The following SEC63 variants were observed in gnomAD, a reference collection of about 807,000 sequenced individuals.
SEC63 encodes SEC63 protein translocation regulator.
In SEC63, 56 loss-of-function variants were observed where a neutral mutation model predicts 116.2. That is an observed-to-expected ratio of 0.48 (90% CI 0.39 to 0.60). The LOEUF (loss-of-function observed/expected upper bound fraction) is 0.60, where lower values mean the gene tolerates loss of function less well. Among genes scored for constraint, SEC63 ranks in the 20% least tolerant of loss-of-function variants. The probability of loss-of-function intolerance (pLI) is 0.00; values close to 1 mark genes in which losing one functional copy is unlikely to be tolerated. For synonymous variants in SEC63, 273 were observed against 294.6 expected (o/e 0.93, Z 0.75); for missense variants, 668 against 900.0 (o/e 0.74, Z 3.30).
At chr6:107,915,690 A>G (rs1787385521) in intron 4 of SEC63, among the ~76,000 whole-genome samples, 1 of 152,170 alleles carries the variant, frequency 6.6e-6, no homozygotes, top group Non-Finnish European at 1.5e-5. Context: ...CTAAGGAGAG[A>G]AAAATGATCT....
At chr6:107,935,816 T>C (rs1770234874) in intron 1 of SEC63, among the ~76,000 whole-genome samples, 2 of 149,674 alleles carry the variant, frequency 1.3e-5, no homozygotes, top group Admixed American at 6.7e-5. Context: ...TAAAATAAAA[T>C]AAAGAAACAC....
chr6:107,887,604 G>A (rs1257335390), intron 16 of SEC63, among the ~76,000 whole-genome samples: 1 of 151,622 alleles, frequency 6.6e-6, no homozygotes, highest in African/African-American at 2.4e-5. Context: ...GTTGTGGGGT[G>A]GGGGAAGGGG....
At chr6:107,880,982 G>A in intron 18 of SEC63, 167 bp downstream of exon 18, 4 of 611,904 alleles carry the variant, frequency 6.5e-6, no homozygotes, top group Non-Finnish European at 1.2e-5. Context: ...CGTTCACTAA[G>A]TATAATACCT....
intron 5 of SEC63, 108 bp from the exon 6 acceptor site, chr6:107,912,882 C>A (rs1787313792): frequency 2.4e-6 from 2 of 821,286 alleles, no homozygotes; most frequent in Non-Finnish European, 4.1e-6. Context: ...TCCCCCACAA[C>A]ACAAAAACAA....
At chr6:107,882,197 T>C (rs539978871) in intron 17 of SEC63, among the ~76,000 whole-genome samples, 80 of 152,320 alleles carry the variant, frequency 5.3e-4, no homozygotes, top group Middle Eastern at 6.8e-3. Context: ...CCTTTACCTC[T>C]TCCTCTTTTT....
At chr6:107,910,591 G>A (rs1787256557) in intron 7 of SEC63, among the ~76,000 whole-genome samples, 1 of 151,750 alleles carries the variant, frequency 6.6e-6, no homozygotes, top group African/African-American at 2.4e-5. Context: ...ACACATGTAT[G>A]TCATACACAC....
intron 10 of SEC63, 45 bp downstream of exon 10, chr6:107,906,403 G>C (rs1383188412): frequency 1.2e-6 from 2 of 1,603,236 alleles, no homozygotes; most frequent in East Asian, 2.2e-5. Context: ...TAATTCTGCT[G>C]CTTTCATCCC....
chr6:107,953,798 G>A (rs1279662347), intron 1 of SEC63, among the ~76,000 whole-genome samples: 4 of 117,406 alleles, frequency 3.4e-5, no homozygotes, highest in East Asian at 6.7e-4. Flanking sequence ...GGAGGTGGGG[G>A]TGTGAGCCCC....
chr6:107,882,751 A>G (rs917896004), intron 17 of SEC63, among the ~76,000 whole-genome samples: 53 of 152,140 alleles, frequency 3.5e-4, no homozygotes, highest in Non-Finnish European at 4.7e-4. Context: ...TCTACCTAAC[A>G]ATTTAATATT....
chr6:107,918,416 T>C (rs1787465104), intron 4 of SEC63, among the ~76,000 whole-genome samples: 1 of 152,210 alleles, frequency 6.6e-6, no homozygotes, highest in Non-Finnish European at 1.5e-5. Context: ...TTAAGTCTTA[T>C]TATTTAAGAA....
Position 107,956,933 on chromosome 6 carries a change from G to A in SEC63, c.124+953C>T, listed in dbSNP as rs187946680. Among the ~76,000 whole-genome samples, 460 of 152,268 alleles carry A rather than the reference G, an allele frequency of 3.0e-3. 3 individuals carry two copies. Among genetic ancestry groups the A allele is most frequent in the African/African-American group, 0.011 (438 of 41,538 alleles). Reference sequence around the variant, plus strand: ...TTGTGCAATAGAAAGCTTTCCCTAAGTTGTTAATACTCAAAACCCACTCCT... The same window carrying A: ...TTGTGCAATAGAAAGCTTTCCCTAAATTGTTAATACTCAAAACCCACTCCT... On this transcript the variant is annotated intron_variant, in intron 1 of 20. Transcript: ENST00000369002.
Position 107,881,943 on chromosome 6 carries a change from T to G in SEC63, c.1834-693A>C, listed in dbSNP as rs150126339. On this transcript the variant is annotated intron_variant, in intron 17 of 20. Coordinates refer to ENST00000369002, the MANE Select transcript of SEC63 (RefSeq NM_007214.5). The stretch of plus-strand genomic sequence containing the variant: ...TGTATTTTTGGTCATATGAAGAAAT[T>G]AGTCTGTCAAAACCCTAAGAGTCAC... 4.1e-3 allele frequency among the ~76,000 whole-genome samples: 626 copies of G among 152,290 alleles called. 3 individuals carry two copies. Among genetic ancestry groups the G allele is most frequent in the African/African-American group, 0.014 (587 of 41,568 alleles).
At chr6:107,916,079 A>G (rs950002132) in intron 4 of SEC63, among the ~76,000 whole-genome samples, 9 of 152,044 alleles carry the variant, frequency 5.9e-5, no homozygotes, top group African/African-American at 2.2e-4. Flanking sequence ...GAACAAAATT[A>G]TAAACTTGAA....
chr6:107,897,496 A>G (rs767477506), intron 14 of SEC63, among the ~76,000 whole-genome samples, 153 bp downstream of exon 14: 1 of 152,264 alleles, frequency 6.6e-6, no homozygotes, highest in East Asian at 1.9e-4. Context: ...AAACTGTCTC[A>G]TGAAAATTAA....
In SEC63 at chr6:107,868,103, G is replaced by C. The variant is rs1340355674; in HGVS notation, c.*3601C>G. The C allele has an allele frequency of 1.6e-5, 2 of 121,876 alleles. No homozygotes were observed. The highest frequency in any genetic ancestry group is 3.2e-5 in the African/African-American group (1 of 30,906). The allele number at this position is 121,876 out of a possible 1,614,324, so 7.5% of individuals were successfully genotyped here. On this transcript the variant is annotated 3_prime_UTR_variant, in exon 21 of 21. Coordinates refer to ENST00000369002, the MANE Select transcript of SEC63 (RefSeq NM_007214.5). ...GTGCTAACTTCTTGAGACATATTTG[G>C]ACTAATCACTACACAGCTGGCAAAA... is the stretch of plus-strand genomic sequence containing the variant.
chr6:107,931,919 TG>T (rs1439492432), intron 1 of SEC63: 5 of 152,654 alleles, frequency 3.3e-5, no homozygotes, highest in Admixed American at 6.6e-5. Flanking sequence ...AAATAAGACT[TG>T]CCACCCACCT....
chr6:107,873,747 G>T (rs1242460673), intron 19 of SEC63, among the ~76,000 whole-genome samples: 1 of 151,834 alleles, frequency 6.6e-6, no homozygotes, highest in Non-Finnish European at 1.5e-5. Flanking sequence ...AAACTGGGGA[G>T]AAATACTTGC....
intron 3 of SEC63, among the ~76,000 whole-genome samples, chr6:107,924,457 CT>C (rs1352634537): frequency 6.8e-6 from 1 of 148,046 alleles, no homozygotes; most frequent in Non-Finnish European, 1.5e-5. Flanking sequence ...GGGCGCCTAC[CT>C]GGGAGGCTGA....
At chr6:107,939,871 T>G (rs1246227336) in intron 1 of SEC63, among the ~76,000 whole-genome samples, 1 of 152,186 alleles carries the variant, frequency 6.6e-6, no homozygotes. Flanking sequence ...AGTGAAAAAT[T>G]GGGAAATACT....
Sources: gnomAD v4.1 joint callset for allele counts (sites outside exome capture counted in the v4.1 genomes callset) on GRCh38, gnomAD v4.1.1 for gene constraint, MANE v1.5 for transcripts, NCBI Gene and HGNC (gene_info 2026-07-23, HGNC 2026-07-21) for gene names.